Variants in SBNO1 observed in about 807,000 individuals in gnomAD.
SBNO1 encodes the protein protein strawberry notch homolog 1.
Under a neutral mutation model 173.6 loss-of-function variants are expected in SBNO1, and 23 were observed. That is an observed-to-expected ratio of 0.13 (90% CI 0.10 to 0.19). The LOEUF (loss-of-function observed/expected upper bound fraction) is 0.19, where lower values mean the gene tolerates loss of function less well. Among genes scored for constraint, SBNO1 ranks in the 10% least tolerant of loss-of-function variants. The pLI is 1.00. For synonymous variants in SBNO1, 632 were observed against 571.5 expected, an observed-to-expected ratio of 1.11 and a Z score of -1.51; for missense variants, 1,238 against 1,671.2, an observed-to-expected ratio of 0.74 and a Z score of 4.52.
Position 123,345,565 on chromosome 12 carries a change from C to A in SBNO1, c.243G>T (p.Gln81His). ...GCACAAATGTTGTAGTAGATGGAGG[C>A]TGCTGCTAGATAGAAAACAAAAAAC... ...PTPALLNVRQ[Q>H]PPSTTTFVLN... The change falls in exon 4 of 32, where the codon CAG (glutamine) becomes CAT (histidine). Residue 81 changes from glutamine to histidine, a missense_variant. By Grantham distance (24) the Gln-to-His change is conservative. Transcript: ENST00000602398. The A allele has an allele frequency of 6.2e-7, 1 of 1,612,364 alleles. No individual in the cohort carries two copies. The highest frequency in any genetic ancestry group is 8.5e-7 in the Non-Finnish European group (1 of 1,178,670).
chr12:123,300,960 AAAAAAAAAAC>A lies in SBNO1; in HGVS notation c.3845+1854_3845+1863del, dbSNP rs200239263. On this transcript the variant is annotated intron_variant, in intron 30 of 31. Transcript: ENST00000602398. ...GGTGACAGAGCAAGGACACCATCTC[AAAAAAAAAAC>A]AAAAAAAAACAAAAAAAAAACCCAA... Among the ~76,000 whole-genome samples, 28 of 145,126 alleles carry A rather than the reference AAAAAAAAAAC, an allele frequency of 1.9e-4. No homozygotes were observed. In the South Asian group the frequency reaches 2.8e-3, roughly 15 times the overall value.
rs1178559371 is a variant in SBNO1 at position 123,295,885 on chromosome 12, C to A, written c.*23G>T. 6.2e-7 allele frequency: 1 copy of A among 1,610,998 alleles called. No individual in the cohort carries two copies. Among genetic ancestry groups the A allele is most frequent in the South Asian group, 1.1e-5 (1 of 90,662 alleles). The stretch of plus-strand genomic sequence containing the variant: ...TGCTTCAACAGCATTTCAGATCCAT[C>A]CATGTTGAAACCTGTCTGTTCTTCA... On this transcript the variant is annotated 3_prime_UTR_variant, in exon 32 of 32. Coordinates refer to ENST00000602398, the MANE Select transcript of SBNO1 (RefSeq NM_001167856.3).
intron 5 of SBNO1, among the ~76,000 whole-genome samples, chr12:123,340,348 A>T (rs1308626811): frequency 2.6e-5 from 4 of 152,120 alleles, no homozygotes; most frequent in Non-Finnish European, 5.9e-5. Flanking sequence ...TCGGAGGCTG[A>T]GGCGGGCAGA....
intron 24 of SBNO1, among the ~76,000 whole-genome samples, chr12:123,312,486 AG>A (rs1467566139): frequency 1.3e-5 from 2 of 152,078 alleles, no homozygotes; most frequent in African/African-American, 4.8e-5. Flanking sequence ...TTGAGGTGGG[AG>A]GATCACATGC....
chr12:123,339,953 T>C (rs1412089054), intron 5 of SBNO1, among the ~76,000 whole-genome samples: 1 of 152,132 alleles, frequency 6.6e-6, no homozygotes, highest in East Asian at 1.9e-4. Flanking sequence ...CTTCCTAATA[T>C]CCCACCTCAA....
chr12:123,347,673 C>T (rs186933309), intron 3 of SBNO1, among the ~76,000 whole-genome samples: 23 of 152,136 alleles, frequency 1.5e-4, no homozygotes, highest in Non-Finnish European at 1.9e-4. Flanking sequence ...TGACTATAGG[C>T]GTGCACCACC....
At chr12:123,302,153 G>T (rs952262952) in intron 30 of SBNO1, among the ~76,000 whole-genome samples, 1 of 150,912 alleles carries the variant, frequency 6.6e-6, no homozygotes, top group African/African-American at 2.4e-5. Flanking sequence ...GGCTGGTCTC[G>T]AACTCCCGAC....
At chr12:123,319,594 A>T (rs570935182) in intron 20 of SBNO1, among the ~76,000 whole-genome samples, 1 of 152,136 alleles carries the variant, frequency 6.6e-6, no homozygotes, top group South Asian at 2.1e-4. Flanking sequence ...TTTTCAGTAG[A>T]GACGGGGTTT....
chr12:123,303,922 CTTTTT>C (rs11413728), intron 29 of SBNO1, among the ~76,000 whole-genome samples: 4 of 100,462 alleles, frequency 4.0e-5, no homozygotes, highest in Non-Finnish European at 7.1e-5. Flanking sequence ...AATAAGTATT[CTTTTT>C]TTTTTTTTTT....
chr12:123,304,442 G>T (rs1302926498), intron 29 of SBNO1, 140 bp downstream of exon 29: 1 of 607,198 alleles, frequency 1.6e-6, no homozygotes, highest in Non-Finnish European at 2.9e-6. Flanking sequence ...CTCCATGTTG[G>T]TCAGGCTGGT....
chr12:123,327,502 G>A lies in SBNO1; in HGVS notation c.1616C>T (p.Thr539Ile). Reference protein sequence around the residue: ...GMYIARQLSFTGVTFKIEEVL... With the variant: ...GMYIARQLSFIGVTFKIEEVL... Reference sequence around the variant, plus strand: ...TTCCTCAATTTTGAAGGTCACTCCAGTAAAGCTCAGTTGTCGAGCAATGTA... The same window carrying A: ...TTCCTCAATTTTGAAGGTCACTCCAATAAAGCTCAGTTGTCGAGCAATGTA... The change falls in exon 13 of 32, where the codon ACT becomes ATT. Residue 539 changes from threonine to isoleucine, a missense_variant. Physicochemically the swap from Thr to Ile is moderately conservative, Grantham distance 89. This residue lies in a region of SBNO1 where 182 missense variants were observed against 339.9 expected (regional missense o/e 0.54). Coordinates refer to ENST00000602398, the MANE Select transcript of SBNO1 (RefSeq NM_001167856.3). 1.2e-6 allele frequency: 2 copies of A among 1,613,702 alleles called. No individual in the cohort carries two copies. Among genetic ancestry groups the A allele is most frequent in the Non-Finnish European group, 1.7e-6 (2 of 1,179,670 alleles).
intron 30 of SBNO1, 26 bp from the exon 31 acceptor site, chr12:123,298,197 T>C (rs751017471): frequency 2.5e-6 from 4 of 1,594,942 alleles, no homozygotes; most frequent in African/African-American, 1.3e-5. Flanking sequence ...AAGAAATACA[T>C]ATGAGTGTCT....
intron 26 of SBNO1, 61 bp downstream of exon 26, chr12:123,309,649 G>A: frequency 6.2e-7 from 1 of 1,600,956 alleles, no homozygotes; most frequent in Non-Finnish European, 8.5e-7. Context: ...CACGTTTAAA[G>A]AATTTCTCCA....
Position 123,341,078 on chromosome 12 carries a change from G to A in SBNO1, c.561C>T (p.Ser187=), listed in dbSNP as rs764189271. Residue 187 remains serine, a synonymous_variant, in exon 5 of 32, where the codon AGC becomes AGT. Coordinates refer to ENST00000602398, the MANE Select transcript of SBNO1 (RefSeq NM_001167856.3). ...AAGACTCTTTCTTTACTGTACCATTGCTTACATCAGCTGAGGAGGAAAAAG... is the reference window on the plus strand; with the variant it reads ...AAGACTCTTTCTTTACTGTACCATTACTTACATCAGCTGAGGAGGAAAAAG... ...QPVATAATDV[S]NGTVKKESSN... 9 of 1,546,306 alleles carry A rather than the reference G, an allele frequency of 5.8e-6. No homozygotes were observed. The Admixed American group carries it at 1.8e-4, about 31-fold the overall frequency.
At chr12:123,343,307 GGTTT>G (rs1872760750) in intron 4 of SBNO1, among the ~76,000 whole-genome samples, 1 of 152,222 alleles carries the variant, frequency 6.6e-6, no homozygotes, top group East Asian at 1.9e-4. Context: ...TTGGGGGCAT[GGTTT>G]GTTTATTTTA....
intron 1 of SBNO1, among the ~76,000 whole-genome samples, chr12:123,355,255 G>C (rs1016792163): frequency 6.6e-6 from 1 of 151,978 alleles, no homozygotes; most frequent in Non-Finnish European, 1.5e-5. Context: ...TACTGACCTC[G>C]TGATCCGCCC....
chr12:123,310,635 A>G (rs970364609), intron 25 of SBNO1, among the ~76,000 whole-genome samples: 2 of 151,964 alleles, frequency 1.3e-5, no homozygotes, highest in Admixed American at 6.6e-5. Flanking sequence ...CGCGGGTTCA[A>G]GTAATTCTCT....
chr12:123,311,748 A>ATTTTTT (rs148426880), intron 24 of SBNO1, among the ~76,000 whole-genome samples: 92 of 134,390 alleles, frequency 6.8e-4, no homozygotes, highest in African/African-American at 2.5e-3. Context: ...ATATATATAT[A>ATTTTTT]TTTTTGCGAC....
At chr12:123,309,180 C>T in intron 28 of SBNO1, 130 bp downstream of exon 28, 1 of 678,076 alleles carries the variant, frequency 1.5e-6, no homozygotes, top group South Asian at 1.8e-5. Flanking sequence ...CACACAATTA[C>T]AATGATAAAT....
Sources: gnomAD v4.1 joint callset for allele counts (sites outside exome capture counted in the v4.1 genomes callset) on GRCh38, gnomAD v4.1.1 for gene constraint, gnomAD v4.1.1 regional missense constraint, MANE v1.5 for transcripts, NCBI Gene and HGNC (gene_info 2026-07-23, HGNC 2026-07-21) for gene names.